COPS9: variants seen among roughly 807,000 people sequenced by gnomAD.
COPS9 encodes the protein COP9 signalosome subunit 9.
A neutral mutation model predicts 7.2 loss-of-function variants in COPS9; 8 were observed. That is an observed-to-expected ratio of 1.11 (90% CI 0.65 to 2.00). COPS9 has a LOEUF of 2.00. COPS9 is among the 30% of genes most tolerant of loss of function. COPS9 has a pLI of 0.00. For synonymous variants in COPS9, 39 were observed against 28.7 expected (o/e 1.36, Z -1.14); for missense variants, 74 against 77.7 (o/e 0.95, Z 0.18).
downstream of COPS9, chr2:240,130,758 A>G (rs375209776): frequency 4.3e-5 from 56 of 1,305,798 alleles, no homozygotes; most frequent in African/African-American, 7.1e-4. Flanking sequence ...GCATGCACAC[A>G]CAAACACACA....
downstream of COPS9, chr2:240,126,843 C>T (rs2071870597): frequency 5.6e-6 from 9 of 1,614,116 alleles, no homozygotes; most frequent in African/African-American, 1.3e-5. Context: ...ATGTTCTCTG[C>T]ATCTGGTAAA....
rs191837025 is a variant in COPS9, at chr2:240,135,495, T to C, written c.63+727A>G. On this transcript the variant is annotated intron_variant, in intron 1 of 2. Transcript: ENST00000607357. ...CTTTGAGAAAGAGCACATAAGGCCC[T>C]GACATGTAGGAGCTGGCCTGCCACT... is the stretch of plus-strand genomic sequence containing the variant. Among the ~76,000 whole-genome samples, 89 of 152,248 alleles carry C rather than the reference T, an allele frequency of 5.8e-4. 2 individuals carry two copies. The highest frequency in any genetic ancestry group is 2.0e-3 in the African/African-American group (83 of 41,550).
intron 2 of COPS9, 152 bp downstream of exon 2, chr2:240,133,781 G>A (rs534589237): frequency 1.0e-5 from 7 of 698,404 alleles, no homozygotes; most frequent in South Asian, 5.6e-5. Context: ...CCGTGTCATC[G>A]CTCCACAGAG....
chr2:240,127,075 A>G, downstream of COPS9: 1 of 1,142,750 alleles, frequency 8.8e-7, no homozygotes, highest in Non-Finnish European at 1.2e-6. Context: ...GGAACTTAGG[A>G]CAGAGAGGGG....
At position 240,136,218 on chromosome 2, in the gene COPS9, C is replaced by T. The variant is rs1252307318; in HGVS notation, c.63+4G>A. Reference sequence around the variant, plus strand: ...CTCGGAGACTCCCGCCGGGCCCGTGCCACCTCGTCCAGGTCCACGTAGGGC... The same window carrying T: ...CTCGGAGACTCCCGCCGGGCCCGTGTCACCTCGTCCAGGTCCACGTAGGGC... On this transcript the variant is annotated splice_donor_region_variant and intron_variant, in intron 1 of 2. Transcript: ENST00000607357. 1.9e-6 allele frequency: 3 copies of T among 1,546,446 alleles called. No homozygotes were observed. The highest frequency in any genetic ancestry group is 1.2e-5 in the South Asian group (1 of 84,164).
chr2:240,129,838 G>A, downstream of COPS9: 1 of 1,349,052 alleles, frequency 7.4e-7, no homozygotes, highest in Non-Finnish European at 1.0e-6. Flanking sequence ...TAAGCCACGT[G>A]GGTCTCAGAA....
chr2:240,127,263 G>A (rs1200256557), downstream of COPS9, among the ~76,000 whole-genome samples: 1 of 139,138 alleles, frequency 7.2e-6, no homozygotes, highest in Admixed American at 7.4e-5. Flanking sequence ...GCCCCACAAG[G>A]CATCATTATG....
downstream of COPS9, among the ~76,000 whole-genome samples, chr2:240,130,455 G>T (rs1240466393): frequency 6.6e-6 from 1 of 152,242 alleles, no homozygotes; most frequent in Non-Finnish European, 1.5e-5. Context: ...CACGTAGAAG[G>T]CGTCTCCTGC....
chr2:240,135,064 C>CAG (rs2071961857), intron 1 of COPS9, among the ~76,000 whole-genome samples: 1 of 152,124 alleles, frequency 6.6e-6, no homozygotes, highest in African/African-American at 2.4e-5. Context: ...GCGGGGTGCA[C>CAG]AGAGCCACCC....
intron 1 of COPS9, chr2:240,134,225 C>A: frequency 1.9e-6 from 1 of 531,860 alleles, no homozygotes; most frequent in Non-Finnish European, 3.3e-6. Context: ...GGCTTCTGTT[C>A]CTTGATTCCT....
At chr2:240,136,347 T>C (rs1014870415), upstream of COPS9, 2 of 1,504,302 alleles carry the variant, frequency 1.3e-6, no homozygotes, top group Non-Finnish European at 1.8e-6. Context: ...GCGCGCCACA[T>C]GGCAGATCTA....
chr2:240,128,566 C>T (rs1187589133), downstream of COPS9, among the ~76,000 whole-genome samples: 7 of 152,192 alleles, frequency 4.6e-5, no homozygotes, highest in Admixed American at 3.9e-4. Context: ...CCTGCGGTCC[C>T]CCAGCAGCTT....
rs1405014204 is a variant in COPS9, at chr2:240,132,693, G to C, written c.136+1240C>G. 6.6e-6 allele frequency among the ~76,000 whole-genome samples: 1 copy of C among 152,194 alleles called. No individual in the cohort carries two copies. Among genetic ancestry groups the C allele is most frequent in the South Asian group, 2.1e-4 (1 of 4,822 alleles). On this transcript the variant is annotated intron_variant, in intron 2 of 2. Coordinates refer to ENST00000607357, the MANE Select transcript of COPS9 (RefSeq NM_001163424.2). This position sits in a 1 kb window ranked among gnomAD's most constrained non-coding sequence, Gnocchi z 4.1. ...AGAGGATAAATGGGACTTTGAAGGA[G>C]ATCATCAAAATGCAAGCGTGTGGTG...
At chr2:240,128,989 C>T (rs1203875770), downstream of COPS9, among the ~76,000 whole-genome samples, 2 of 152,222 alleles carry the variant, frequency 1.3e-5, no homozygotes, top group African/African-American at 4.8e-5. Context: ...TGAAATTCTA[C>T]GGCCCACACA....
chr2:240,126,827 C>G, downstream of COPS9: 1 of 1,614,226 alleles, frequency 6.2e-7, no homozygotes, highest in Non-Finnish European at 8.5e-7. Context: ...TGGTGCCACA[C>G]AGCGGATGTT....
downstream of COPS9, chr2:240,126,740 C>T (rs749035621): frequency 1.9e-6 from 3 of 1,614,198 alleles, no homozygotes; most frequent in South Asian, 2.2e-5. Context: ...GATAACTTCC[C>T]AGCCACTTGG....
At chr2:240,135,990 C>T in intron 1 of COPS9, 1 of 633,054 alleles carries the variant, frequency 1.6e-6, no homozygotes, top group Non-Finnish European at 2.4e-6. Flanking sequence ...CAGGCTGCGC[C>T]TCCTGGTCCC....
At chr2:240,128,110 G>A (rs570762637), downstream of COPS9, among the ~76,000 whole-genome samples, 78 of 152,336 alleles carry the variant, frequency 5.1e-4, no homozygotes, top group African/African-American at 1.5e-3. Context: ...GGCTGGAGGC[G>A]GGCAAAGCGC....
chr2:240,130,119 C>A (rs1382136324), downstream of COPS9: 5 of 1,030,478 alleles, frequency 4.9e-6, no homozygotes, highest in South Asian at 1.5e-5. Context: ...AGCTGACATT[C>A]GGTTCTGCTT....
Sources: allele counts gnomAD v4.1 joint callset (sites outside exome capture counted in the v4.1 genomes callset), GRCh38; gene constraint gnomAD v4.1.1; non-coding constraint Gnocchi (gnomAD v3.1); transcripts MANE v1.5; gene names NCBI Gene and HGNC (gene_info 2026-07-23, HGNC 2026-07-21).